The following PEX5L variants were observed in gnomAD, a reference collection of about 807,000 sequenced individuals.
PEX5L encodes the protein PEX5-related protein.
A neutral mutation model predicts 84.0 loss-of-function variants in PEX5L; 30 were observed. That is an observed-to-expected ratio of 0.36 (90% confidence interval 0.27 to 0.48). PEX5L has a LOEUF of 0.48. Ranked by LOEUF, PEX5L falls within the 20% of genes least tolerant of loss-of-function variation. The pLI, the probability that PEX5L is intolerant of heterozygous loss-of-function variation, is 0.99. For missense variants in PEX5L, 533 were observed against 754.6 expected, an observed-to-expected ratio of 0.71 and a Z score of 3.44; for synonymous variants, 270 against 283.1, an observed-to-expected ratio of 0.95 and a Z score of 0.46.
In PEX5L at chr3:179,884,623, C is replaced by T. The variant is rs115238180; in HGVS notation, c.310+3050G>A. On this transcript the variant is annotated intron_variant, in intron 4 of 14. Coordinates refer to ENST00000467460, the MANE Select transcript of PEX5L (RefSeq NM_016559.3). ...AATATAACTGGTATGTCAGTGTTTA[C>T]ACCAGGATTCAAATACAGGATACAG... Among the ~76,000 whole-genome samples the T allele has an allele frequency of 7.0e-4, 107 of 152,312 alleles. 1 individual carries two copies. Among genetic ancestry groups the T allele is most frequent in the African/African-American group, 2.2e-3 (93 of 41,572 alleles).
intron 4 of PEX5L, among the ~76,000 whole-genome samples, chr3:179,886,023 G>A (rs570487138): frequency 2.6e-5 from 4 of 152,240 alleles, no homozygotes; most frequent in African/African-American, 9.6e-5. Context: ...TATTTCACAG[G>A]TCTCTCTTCC....
chr3:179,896,511 C>A (rs1210665963), intron 3 of PEX5L, among the ~76,000 whole-genome samples: 2 of 152,032 alleles, frequency 1.3e-5, no homozygotes, highest in South Asian at 2.1e-4. Flanking sequence ...AATTAAAAAT[C>A]AAAAATGTTA....
intron 2 of PEX5L, among the ~76,000 whole-genome samples, chr3:179,936,233 G>T (rs1322296317): frequency 6.6e-6 from 1 of 151,950 alleles, no homozygotes; most frequent in Non-Finnish European, 1.5e-5. Context: ...TTTTTCTCCT[G>T]TCATTATTTT....
intron 2 of PEX5L, among the ~76,000 whole-genome samples, chr3:179,935,667 A>T (rs1449548543): frequency 6.6e-6 from 1 of 152,120 alleles, no homozygotes; most frequent in African/African-American, 2.4e-5. Context: ...TGGTAGTTGC[A>T]TGGTTTGAGT....
intron 8 of PEX5L, among the ~76,000 whole-genome samples, chr3:179,822,046 G>A (rs1728713072): frequency 1.3e-5 from 2 of 152,076 alleles, no homozygotes; most frequent in Admixed American, 1.3e-4. Flanking sequence ...AAAAACTTTG[G>A]AAAATATTTG....
At chr3:179,950,925 A>T (rs1461000309) in intron 2 of PEX5L, among the ~76,000 whole-genome samples, 1 of 152,208 alleles carries the variant, frequency 6.6e-6, no homozygotes, top group Non-Finnish European at 1.5e-5. Flanking sequence ...GAGGAGGCAT[A>T]TGTGTGGTGC....
At chr3:179,965,768 AAAGT>A (rs954868048) in intron 2 of PEX5L, among the ~76,000 whole-genome samples, 27 of 152,340 alleles carry the variant, frequency 1.8e-4, no homozygotes, top group African/African-American at 5.3e-4. Context: ...AGGAAAATAC[AAAGT>A]AAGATAATTT....
chr3:180,032,976 GT>G (rs1347827387), intron 1 of PEX5L, among the ~76,000 whole-genome samples: 3 of 152,164 alleles, frequency 2.0e-5, no homozygotes, highest in African/African-American at 7.2e-5. Flanking sequence ...ATAACCTACT[GT>G]TTAGGGTATT....
rs562845424 is a variant in PEX5L, at chr3:179,863,601, T to C, written c.727-4444A>G. On this transcript the variant is annotated intron_variant, in intron 7 of 14. Transcript: ENST00000467460. ...ACAAAATATTCAACATTACTAATCATAGGGAAATGCAAGTTAAAACCACAG... is the reference window on the plus strand; with the variant it reads ...ACAAAATATTCAACATTACTAATCACAGGGAAATGCAAGTTAAAACCACAG... Among the ~76,000 whole-genome samples, 106 of 152,182 alleles carry C rather than the reference T, an allele frequency of 7.0e-4. 1 individual carries two copies. Among genetic ancestry groups the C allele is most frequent in the Middle Eastern group, 3.4e-3 (1 of 292 alleles).
intron 2 of PEX5L, among the ~76,000 whole-genome samples, chr3:179,929,729 A>G (rs946321920): frequency 1.3e-5 from 2 of 152,124 alleles, no homozygotes; most frequent in African/African-American, 2.4e-5. Context: ...GCTCCCTAAA[A>G]CTGGGATCAT....
intron 14 of PEX5L, among the ~76,000 whole-genome samples, chr3:179,804,869 C>T (rs139607528): frequency 0.01 from 1,523 of 152,186 alleles, 15 homozygotes; most frequent in Non-Finnish European, 0.018. Flanking sequence ...CTGTAATCCC[C>T]GCACTTTGGG....
At chr3:179,871,198 G>C (rs2108666894) in intron 7 of PEX5L, among the ~76,000 whole-genome samples, 1 of 149,806 alleles carries the variant, frequency 6.7e-6, no homozygotes, top group East Asian at 2.0e-4. Context: ...TGCCTCCCAG[G>C]TTCAAGCAAT....
intron 3 of PEX5L, among the ~76,000 whole-genome samples, chr3:179,893,171 G>A (rs1208083867): frequency 6.6e-6 from 1 of 152,086 alleles, no homozygotes; most frequent in East Asian, 1.9e-4. Context: ...AGACTGGCCA[G>A]CTGATGTAAT....
chr3:179,940,744 C>G (rs954728121), intron 2 of PEX5L, among the ~76,000 whole-genome samples: 4 of 152,142 alleles, frequency 2.6e-5, no homozygotes, highest in African/African-American at 9.7e-5. Context: ...TCCTCAGAGG[C>G]CTAATTTAGA....
chr3:179,839,372 A>C (rs1213511511), intron 8 of PEX5L, among the ~76,000 whole-genome samples: 2 of 152,238 alleles, frequency 1.3e-5, no homozygotes, highest in African/African-American at 4.8e-5. Context: ...GCTAAAAATT[A>C]CATTAAAGAT....
intron 5 of PEX5L, among the ~76,000 whole-genome samples, chr3:179,875,846 A>G (rs1309730480): frequency 6.6e-6 from 1 of 152,136 alleles, no homozygotes; most frequent in Non-Finnish European, 1.5e-5. Context: ...GTACATCTGG[A>G]GCACTACTCT....
intron 7 of PEX5L, among the ~76,000 whole-genome samples, chr3:179,860,630 C>T (rs1745744683): frequency 6.6e-6 from 1 of 152,214 alleles, no homozygotes; most frequent in African/African-American, 2.4e-5. Context: ...AGCTGCTCTT[C>T]ATTCATTTCT....
intron 6 of PEX5L, among the ~76,000 whole-genome samples, chr3:179,874,973 G>T (rs1182951422): frequency 6.6e-6 from 1 of 151,524 alleles, no homozygotes; most frequent in East Asian, 1.9e-4. Context: ...TTGATTATCT[G>T]ATAGTGGATG....
At chr3:179,839,681 A>G (rs1283431358) in intron 8 of PEX5L, among the ~76,000 whole-genome samples, 1 of 152,212 alleles carries the variant, frequency 6.6e-6, no homozygotes, top group African/African-American at 2.4e-5. Flanking sequence ...GTGATTATAC[A>G]TCCGTGCACC....
Sources: allele counts gnomAD v4.1 joint callset (sites outside exome capture counted in the v4.1 genomes callset), GRCh38; gene constraint gnomAD v4.1.1; transcripts MANE v1.5; gene names NCBI Gene and HGNC (gene_info 2026-07-23, HGNC 2026-07-21).